The following NPAS3 variants were observed in gnomAD, a reference collection of about 807,000 sequenced individuals.
NPAS3 encodes the protein neuronal PAS domain-containing protein 3.
NPAS3 carries 14 observed loss-of-function variants against 73.1 expected under a neutral mutation model. The observed-to-expected ratio is 0.19, with a 90% CI of 0.13 to 0.30. NPAS3 has a LOEUF of 0.30. Among genes scored for constraint, NPAS3 ranks in the 10% least tolerant of loss-of-function variants. The probability of loss-of-function intolerance (pLI) is 1.00; values close to 1 mark genes in which losing one functional copy is unlikely to be tolerated. For synonymous variants in NPAS3, 620 were observed against 541.5 expected (o/e 1.14, Z -2.01); for missense variants, 1,096 against 1,250.0 (o/e 0.88, Z 1.86).
At chr14:33,777,434 G>C (rs1305162485) in intron 8 of NPAS3, among the ~76,000 whole-genome samples, 1 of 151,394 alleles carries the variant, frequency 6.6e-6, no homozygotes, top group Non-Finnish European at 1.5e-5. Flanking sequence ...TTTTTTGTTT[G>C]TTTTTCTTTC....
At chr14:33,729,946 T>G (rs961417867) in intron 6 of NPAS3, among the ~76,000 whole-genome samples, 1 of 152,210 alleles carries the variant, frequency 6.6e-6, no homozygotes, top group Non-Finnish European at 1.5e-5. Context: ...ATTTTTACCA[T>G]GCTTGTCCTG....
intron 2 of NPAS3, among the ~76,000 whole-genome samples, chr14:33,162,369 C>T (rs1028191679): frequency 6.6e-6 from 1 of 152,102 alleles, no homozygotes; most frequent in Non-Finnish European, 1.5e-5. Flanking sequence ...CATATCTTTA[C>T]AATTGTAAAT....
intron 1 of NPAS3, among the ~76,000 whole-genome samples, chr14:32,993,515 C>A (rs888011812): frequency 2.0e-5 from 3 of 151,874 alleles, no homozygotes; most frequent in Non-Finnish European, 4.4e-5. Flanking sequence ...TAAGCAAATG[C>A]GCAAAGTGAA....
chr14:33,095,957 C>T (rs1185228620), intron 2 of NPAS3, among the ~76,000 whole-genome samples: 1 of 151,016 alleles, frequency 6.6e-6, no homozygotes, highest in East Asian at 1.9e-4. Context: ...CTGGGATTAC[C>T]AGCGTGAGCC....
chr14:33,420,618 G>A (rs1438514827), intron 4 of NPAS3, among the ~76,000 whole-genome samples: 1 of 151,576 alleles, frequency 6.6e-6, no homozygotes, highest in East Asian at 1.9e-4. Flanking sequence ...AAGCACAGAT[G>A]GATACTGTAA....
intron 4 of NPAS3, among the ~76,000 whole-genome samples, chr14:33,522,594 A>C (rs900363419): frequency 4.6e-5 from 7 of 152,166 alleles, no homozygotes; most frequent in African/African-American, 1.7e-4. Context: ...CAAGGTGGGA[A>C]ACAATACCCC....
chr14:33,355,067 A>C (rs993316528), intron 3 of NPAS3, among the ~76,000 whole-genome samples: 3 of 152,062 alleles, frequency 2.0e-5, no homozygotes, highest in Admixed American at 1.3e-4. Context: ...GCCATTTGTG[A>C]CTGGGCCCAA....
At position 33,486,169 on chromosome 14, in the gene NPAS3, A is replaced by G. The variant is rs546978629; in HGVS notation, c.469-73952A>G. 2.1e-4 allele frequency among the ~76,000 whole-genome samples: 32 copies of G among 151,902 alleles called. No homozygotes were observed. The South Asian group carries it at 3.3e-3, about 16-fold the overall frequency. On this transcript the variant is annotated intron_variant, in intron 4 of 11. Coordinates refer to ENST00000356141, the Ensembl canonical transcript of NPAS3. The stretch of plus-strand genomic sequence containing the variant: ...ATTTTTTTTTTTTTTAATTCTCACA[A>G]AGTCATGTATGGACTGGCTGCTGTT...
At chr14:33,057,503 A>G (rs75097482) in intron 2 of NPAS3, among the ~76,000 whole-genome samples, 85 of 152,354 alleles carry the variant, frequency 5.6e-4, no homozygotes, top group African/African-American at 2.0e-3. Context: ...CATATCAACA[A>G]TCAACTGTTG....
intron 2 of NPAS3, among the ~76,000 whole-genome samples, chr14:33,113,899 G>C (rs368200674): frequency 3.3e-5 from 5 of 152,112 alleles, no homozygotes; most frequent in Non-Finnish European, 5.9e-5. Flanking sequence ...TTTGTCAAAG[G>C]CCTTTTCTGC....
rs1189766882 is a variant in NPAS3 at position 33,476,637 on chromosome 14, T to C, written c.469-83484T>C. Among the ~76,000 whole-genome samples the C allele has an allele frequency of 2.0e-5, 3 of 152,322 alleles. No homozygotes were observed. The East Asian group carries it at 5.8e-4, about 29-fold the overall frequency. On this transcript the variant is annotated intron_variant, in intron 4 of 11. Coordinates refer to ENST00000356141, the Ensembl canonical transcript of NPAS3. ...TTTCTCATTCCAAATCCATCCCACTTTGGGACAGTTGTTTCTGTTTCATCA... is the reference window on the plus strand; with the variant it reads ...TTTCTCATTCCAAATCCATCCCACTCTGGGACAGTTGTTTCTGTTTCATCA...
At chr14:33,095,856 T>C (rs577761266) in intron 2 of NPAS3, among the ~76,000 whole-genome samples, 168 of 151,568 alleles carry the variant, frequency 1.1e-3, no homozygotes, top group African/African-American at 3.9e-3. Flanking sequence ...TTTTTTTTAG[T>C]AGAGACGGGG....
chr14:33,033,195 G>T (rs1000168817), intron 1 of NPAS3, among the ~76,000 whole-genome samples: 30 of 152,084 alleles, frequency 2.0e-4, no homozygotes, highest in Middle Eastern at 3.4e-3. Flanking sequence ...AGGCCTATTT[G>T]GGCCAGGTGT....
intron 4 of NPAS3, among the ~76,000 whole-genome samples, chr14:33,509,126 G>C (rs2052917446): frequency 6.6e-6 from 1 of 151,608 alleles, no homozygotes; most frequent in Non-Finnish European, 1.5e-5. Context: ...TAAGGGGGTG[G>C]TATTATTAGC....
At chr14:33,539,118 A>G (rs367713868) in intron 4 of NPAS3, among the ~76,000 whole-genome samples, 78 of 152,046 alleles carry the variant, frequency 5.1e-4, no homozygotes, top group African/African-American at 1.7e-3. Context: ...GGAGAAGAAG[A>G]TTGTGTAGGG....
At position 33,620,511 on chromosome 14, in the gene NPAS3, T is replaced by C. The variant is rs1023647673; in HGVS notation, c.559-55700T>C. Among the ~76,000 whole-genome samples, 4 of 152,190 alleles carry C rather than the reference T, an allele frequency of 2.6e-5. No individual in the cohort carries two copies. The South Asian group carries it at 8.3e-4, about 31-fold the overall frequency. Reference sequence around the variant, plus strand: ...GAAGTGTATGTGCTGTATATACGTGTGCATTCACAAAAATATGCAAATATA... The same window carrying C: ...GAAGTGTATGTGCTGTATATACGTGCGCATTCACAAAAATATGCAAATATA... On this transcript the variant is annotated intron_variant, in intron 5 of 11. Transcript: ENST00000356141.
chr14:33,594,690 C>T (rs1017088610), intron 5 of NPAS3, among the ~76,000 whole-genome samples: 1 of 152,178 alleles, frequency 6.6e-6, no homozygotes, highest in African/African-American at 2.4e-5. Context: ...AGGTGGGCCT[C>T]ACCTTCACAG....
chr14:33,044,066 A>T (rs1293357663), intron 1 of NPAS3, among the ~76,000 whole-genome samples: 1 of 152,200 alleles, frequency 6.6e-6, no homozygotes, highest in African/African-American at 2.4e-5. Context: ...TGTTAGTATC[A>T]CTTGCATTCA....
chr14:33,097,634 A>G (rs377659147), intron 2 of NPAS3, among the ~76,000 whole-genome samples: 9 of 152,210 alleles, frequency 5.9e-5, no homozygotes, highest in East Asian at 1.9e-4. Flanking sequence ...CCAATCAGCA[A>G]TATATGAGAA....
Sources: gnomAD v4.1 joint callset for allele counts (sites outside exome capture counted in the v4.1 genomes callset) on GRCh38, gnomAD v4.1.1 for gene constraint, MANE v1.5 for transcripts, NCBI Gene and HGNC (gene_info 2026-07-23, HGNC 2026-07-21) for gene names.